TNS4: variants seen among roughly 807,000 people sequenced by gnomAD.
The protein encoded by TNS4 is tensin-4.
A neutral mutation model predicts 70.4 loss-of-function variants in TNS4; 46 were observed. That is an observed-to-expected ratio of 0.65 (90% CI 0.52 to 0.84). The LOEUF (loss-of-function observed/expected upper bound fraction) is 0.84, where lower values mean the gene tolerates loss of function less well. Among genes scored for constraint, TNS4 ranks in the 40% least tolerant of loss-of-function variants. The pLI is 0.00. For synonymous variants in TNS4, 390 were observed against 366.6 expected, an observed-to-expected ratio of 1.06 and a Z score of -0.73; for missense variants, 863 against 907.0, an observed-to-expected ratio of 0.95 and a Z score of 0.62.
chr17:40,487,339 G>A lies in TNS4; in HGVS notation c.985C>T (p.Pro329Ser), dbSNP rs1457152981. ...SLGSVSLCTRPSDFQAPRNPT... is the reference protein window; with the variant it reads ...SLGSVSLCTRSSDFQAPRNPT... ...TTTCTGGGAGCCTGGAAGTCACTGG[G>A]TCTTGTACACAGGGACACTGAGCCA... Residue 329 changes from proline to serine, a missense_variant, in exon 4 of 13, where the codon CCC (proline) becomes TCC (serine). Coordinates refer to ENST00000254051, the MANE Select transcript of TNS4 (RefSeq NM_032865.6). The A allele has an allele frequency of 1.2e-6, 2 of 1,614,074 alleles. No homozygotes were observed. The highest frequency in any genetic ancestry group is 4.5e-5 in the East Asian group (2 of 44,894).
chr17:40,496,140 A>G lies in TNS4; in HGVS notation c.286T>C (p.Ser96Pro). ...CTCTCCAGTGAGAAGTCAATGTAGG[A>G]GTCAAGGTCCTCTGGGGTCCCCAAG... Reference protein sequence around the residue: ...KALGTPEDLDSYIDFSLESLN... With the variant: ...KALGTPEDLDPYIDFSLESLN... Residue 96 changes from serine to proline, a missense_variant, in exon 2 of 13, where the codon TCC becomes CCC. Physicochemically the swap from Ser to Pro is moderately conservative, Grantham distance 74. Coordinates refer to ENST00000254051, the MANE Select transcript of TNS4 (RefSeq NM_032865.6). The G allele has an allele frequency of 6.2e-7, 1 of 1,610,536 alleles. No individual in the cohort carries two copies. Among genetic ancestry groups the G allele is most frequent in the Non-Finnish European group, 8.5e-7 (1 of 1,178,420 alleles).
At position 40,476,303 on chromosome 17, in the gene TNS4, A is replaced by G. The variant is rs2035846432; in HGVS notation, c.*1285T>C. ...CCTCTTAGGGAAGCGGCCTCTTTGC[A>G]TTCTTGACTCTCTGCTTCCCCCGTG... On this transcript the variant is annotated 3_prime_UTR_variant, in exon 13 of 13. Coordinates refer to ENST00000254051, the MANE Select transcript of TNS4 (RefSeq NM_032865.6). The G allele has an allele frequency of 6.7e-6, 1 of 150,318 alleles. No homozygotes were observed. Among genetic ancestry groups the G allele is most frequent in the Non-Finnish European group, 1.5e-5 (1 of 68,034 alleles). 9.3% of individuals were successfully genotyped at this position (150,318 alleles called of 1,614,324 possible). A position where few individuals can be genotyped will look rare whatever the true frequency, so the allele number is the denominator to read the frequency against.
chr17:40,492,607 T>G (rs1464128681), intron 2 of TNS4, among the ~76,000 whole-genome samples: 1 of 140,804 alleles, frequency 7.1e-6, no homozygotes, highest in Non-Finnish European at 1.6e-5. Flanking sequence ...TTTTTTTTTT[T>G]TTTTTTGTTT....
intron 9 of TNS4, among the ~76,000 whole-genome samples, chr17:40,480,284 T>A (rs769928104): frequency 9.2e-5 from 14 of 152,154 alleles, no homozygotes; most frequent in Non-Finnish European, 2.1e-4. Flanking sequence ...TGCTGATGTG[T>A]GCTGGCCTCT....
intron 1 of TNS4, among the ~76,000 whole-genome samples, chr17:40,499,282 C>T (rs1342905614): frequency 6.6e-6 from 1 of 152,132 alleles, no homozygotes; most frequent in African/African-American, 2.4e-5. Flanking sequence ...CTCAATTGAT[C>T]ACGACCCTCT....
rs1443973193 is a variant in TNS4, at chr17:40,488,563, G to C, written c.846C>G (p.Val282=). 2 of 1,509,874 alleles carry C rather than the reference G, an allele frequency of 1.3e-6. No individual in the cohort carries two copies. The highest frequency in any genetic ancestry group is 4.6e-5 in the Admixed American group (2 of 43,484). The allele number at this position is 1,509,874 out of a possible 1,614,324, so 93.5% of individuals were successfully genotyped here. ...GAACCTACCTTCCAAACATATAGCT[G>C]ACATCAGACACTGGGCTGGCTGACA... The part of the protein sequence containing the change: ...SVLSASPVSD[V]SYMFGSSQSL... The change falls in exon 3 of 13, where the codon GTC becomes GTG. Residue 282 remains valine (V), a synonymous_variant. Coordinates refer to ENST00000254051, the MANE Select transcript of TNS4 (RefSeq NM_032865.6).
At chr17:40,482,235 G>C in intron 7 of TNS4, 29 bp from the exon 8 acceptor site, 2 of 1,614,078 alleles carry the variant, frequency 1.2e-6, no homozygotes, top group Admixed American at 3.3e-5. Flanking sequence ...CCCTGCATGA[G>C]TAGAGCTTCC....
At position 40,485,003 on chromosome 17, in the gene TNS4, G is replaced by A. The variant is rs775924948; in HGVS notation, c.1293C>T (p.Pro431=). The change falls in exon 5 of 13, where the codon CCC becomes CCT. Residue 431 remains proline (P), a synonymous_variant. Transcript: ENST00000254051. ...DAPFTTCPEG[P]ARDMQPTMKF... ...TCATGGTGGGCTGCATGTCCCTGGC[G>A]GGACCTGGAGACAGACAGAGAAGGG... The A allele has an allele frequency of 5.1e-5, 83 of 1,614,144 alleles. No individual in the cohort carries two copies. The highest frequency in any genetic ancestry group is 4.9e-4 in the Middle Eastern group (3 of 6,062).
chr17:40,493,421 A>G (rs763709201), intron 2 of TNS4, among the ~76,000 whole-genome samples: 18 of 152,190 alleles, frequency 1.2e-4, no homozygotes, highest in Non-Finnish European at 1.9e-4. Flanking sequence ...GCTATAGGCC[A>G]GTGAGAGATT....
chr17:40,499,587 G>A (rs977845333), intron 1 of TNS4, among the ~76,000 whole-genome samples: 1 of 152,234 alleles, frequency 6.6e-6, no homozygotes. Flanking sequence ...CCCAACGCCC[G>A]TGGCTCCGGT....
chr17:40,500,739 A>T (rs1015228682), intron 1 of TNS4, among the ~76,000 whole-genome samples: 4 of 152,108 alleles, frequency 2.6e-5, no homozygotes, highest in Non-Finnish European at 5.9e-5. Context: ...ACTTTGCCTC[A>T]TTAGCCCAAT....
At chr17:40,482,018 T>G in intron 8 of TNS4, 111 bp downstream of exon 8, 7 of 1,273,498 alleles carry the variant, frequency 5.5e-6, no homozygotes, top group Non-Finnish European at 7.6e-6. Flanking sequence ...TGCACACAGT[T>G]TTAACCGTGA....
At chr17:40,486,212 T>C (rs1438561806) in intron 4 of TNS4, among the ~76,000 whole-genome samples, 1 of 152,172 alleles carries the variant, frequency 6.6e-6, no homozygotes, top group Non-Finnish European at 1.5e-5. Context: ...GGGTGTTTGC[T>C]GTTTTGTGGT....
At chr17:40,486,371 T>C (rs2035989472) in intron 4 of TNS4, among the ~76,000 whole-genome samples, 1 of 152,044 alleles carries the variant, frequency 6.6e-6, no homozygotes, top group Admixed American at 6.6e-5. Flanking sequence ...GGTCGCCTGG[T>C]TCTGTCCTCT....
chr17:40,479,573 C>T (rs968764636), intron 10 of TNS4, 101 bp downstream of exon 10: 2 of 1,462,656 alleles, frequency 1.4e-6, no homozygotes, highest in African/African-American at 1.4e-5. Flanking sequence ...TCATCCAGAA[C>T]CCTGAACTTG....
At chr17:40,491,980 A>G (rs559120962) in intron 2 of TNS4, among the ~76,000 whole-genome samples, 1 of 152,248 alleles carries the variant, frequency 6.6e-6, no homozygotes, top group South Asian at 2.1e-4. Context: ...TGGAGAGGAT[A>G]AAGAAAGGGA....
rs140979570 is a variant in TNS4 at position 40,477,629 on chromosome 17, C to T, written c.2107G>A (p.Gly703Ser). ...TCCTGCAGCAGAGCAGTCACCAGGC[C>T]GATGACCTGCGAGGCTGGCTGGACC... ...DMVQPASQVI[G>S]LVTALLQDAE... The change falls in exon 13 of 13, where the codon GGC becomes AGC. Residue 703 changes from glycine (G) to serine (S), a missense_variant. Coordinates refer to ENST00000254051, the MANE Select transcript of TNS4 (RefSeq NM_032865.6). The T allele has an allele frequency of 4.2e-4, 683 of 1,614,112 alleles. 9 individuals are homozygous for T. The East Asian group carries it at 0.015, about 35-fold the overall frequency.
intron 8 of TNS4, among the ~76,000 whole-genome samples, chr17:40,481,814 A>G (rs2035924746): frequency 6.6e-6 from 1 of 152,228 alleles, no homozygotes; most frequent in South Asian, 2.1e-4. Context: ...AGGCTCTTTC[A>G]CCCTCTCAAA....
chr17:40,479,580 C>A lies in TNS4; in HGVS notation c.1910+94G>T. The A allele has an allele frequency of 4.0e-6, 6 of 1,491,808 alleles. No homozygotes were observed. In the South Asian group the frequency reaches 7.8e-5, roughly 19 times the overall value. The allele number at this position is 1,491,808 out of a possible 1,614,324, so 92.4% of individuals were successfully genotyped here. On this transcript the variant is annotated intron_variant, in intron 10 of 12. Transcript: ENST00000254051. The stretch of plus-strand genomic sequence containing the variant: ...CCGCTGGGTCATCCAGAACCCTGAA[C>A]TTGACCTTCATCCCTGATCTGCAGC...
Sources: allele counts gnomAD v4.1 joint callset (sites outside exome capture counted in the v4.1 genomes callset), GRCh38; gene constraint gnomAD v4.1.1; transcripts MANE v1.5; gene names NCBI Gene and HGNC (gene_info 2026-07-23, HGNC 2026-07-21).